IL34: variants seen among roughly 807,000 people sequenced by gnomAD.
IL34 encodes interleukin-34.
A neutral mutation model predicts 25.3 loss-of-function variants in IL34; 17 were observed. The observed-to-expected ratio is 0.67, with a 90% CI of 0.46 to 1.01. The LOEUF (loss-of-function observed/expected upper bound fraction) is 1.01, where lower values mean the gene tolerates loss of function less well. IL34 is among the 50% of genes least tolerant of loss of function. The pLI, the probability that IL34 is intolerant of heterozygous loss-of-function variation, is 0.00. For synonymous variants in IL34, 174 were observed against 140.9 expected, an observed-to-expected ratio of 1.23 and a Z score of -1.66; for missense variants, 368 against 312.9, an observed-to-expected ratio of 1.18 and a Z score of -1.33.
At chr16:70,659,084 C>T (rs2052309946) in intron 4 of IL34, among the ~76,000 whole-genome samples, 1 of 152,118 alleles carries the variant, frequency 6.6e-6, no homozygotes, top group Admixed American at 6.5e-5. Flanking sequence ...GCCCTGACCT[C>T]CTGTTCAGGG....
chr16:70,591,063 C>T (rs543872378), intron 1 of IL34, among the ~76,000 whole-genome samples: 4 of 152,330 alleles, frequency 2.6e-5, no homozygotes, highest in African/African-American at 7.2e-5. Flanking sequence ...CCATGCCAAG[C>T]GAGACTGGGA....
chr16:70,639,836 T>C (rs1321974729), intron 1 of IL34, among the ~76,000 whole-genome samples: 3 of 151,996 alleles, frequency 2.0e-5, no homozygotes, highest in Non-Finnish European at 2.9e-5. Flanking sequence ...TGCATGCCTG[T>C]AGTCCGAGCT....
Position 70,605,992 on chromosome 16 carries a change from T to A in IL34, c.-401+25943T>A, listed in dbSNP as rs532752381. ...TGGTTTTTTTTTTTTTTTTTTTTTT[T>A]AACAATGCTGAATAAAAGGAGTGAT... On this transcript the variant is annotated intron_variant, in intron 1 of 6. Transcript: ENST00000429149. 3.0e-4 allele frequency among the ~76,000 whole-genome samples: 40 copies of A among 133,994 alleles called. No individual in the cohort carries two copies. In the South Asian group the frequency reaches 7.7e-3, roughly 26 times the overall value. 87.9% of individuals were successfully genotyped at this position (133,994 alleles called of 152,430 possible). A position where few individuals can be genotyped will look rare whatever the true frequency, so the allele number is the denominator to read the frequency against.
chr16:70,607,930 G>T (rs2051032179), intron 1 of IL34, among the ~76,000 whole-genome samples: 1 of 151,602 alleles, frequency 6.6e-6, no homozygotes, highest in Admixed American at 6.6e-5. Flanking sequence ...ACCATGCCTG[G>T]CTAATTTTTG....
chr16:70,645,316 C>T (rs745712992), upstream of IL34, among the ~76,000 whole-genome samples: 1 of 152,246 alleles, frequency 6.6e-6, no homozygotes, highest in Non-Finnish European at 1.5e-5. Flanking sequence ...CTGGGCACCT[C>T]TTAGGGTAAG....
At chr16:70,635,411 G>A (rs1470513404) in intron 1 of IL34, among the ~76,000 whole-genome samples, 2 of 152,156 alleles carry the variant, frequency 1.3e-5, no homozygotes, top group African/African-American at 4.8e-5. Context: ...CTGCTCTCAG[G>A]AAGCACAAAG....
chr16:70,606,866 G>A (rs776440770), intron 1 of IL34, among the ~76,000 whole-genome samples: 1 of 152,148 alleles, frequency 6.6e-6, no homozygotes, highest in Non-Finnish European at 1.5e-5. Flanking sequence ...GGGGTTACAG[G>A]TGTAAGCCAT....
intron 4 of IL34, among the ~76,000 whole-genome samples, chr16:70,658,129 C>T (rs1354813858): frequency 6.6e-6 from 1 of 152,160 alleles, no homozygotes; most frequent in African/African-American, 2.4e-5. Flanking sequence ...CCTGCCCAGC[C>T]AGCTGCTGAC....
intron 1 of IL34, among the ~76,000 whole-genome samples, chr16:70,621,228 G>C (rs187392355): frequency 2.0e-5 from 3 of 152,272 alleles, no homozygotes; most frequent in Non-Finnish European, 2.9e-5. Flanking sequence ...CCCTTGAAGC[G>C]TGCCTGTATA....
In IL34 at chr16:70,659,754, G is replaced by C. The variant is rs768734390; in HGVS notation, c.538+1G>C. 3.1e-6 allele frequency: 5 copies of C among 1,596,654 alleles called. No individual in the cohort carries two copies. The highest frequency in any genetic ancestry group is 4.3e-6 in the Non-Finnish European group (5 of 1,169,544). On this transcript the variant is annotated splice_donor_variant, in intron 5 of 5. Coordinates refer to ENST00000288098, the MANE Select transcript of IL34 (RefSeq NM_001393494.1). LOFTEE classifies it high-confidence loss of function. ...ATGGAGCTGCTGTACTGCTCCTGCT[G>C]TAAGGAGCTCTCAGGGGATGGCGCC... is the stretch of plus-strand genomic sequence containing the variant.
chr16:70,610,295 C>G (rs2051071987), intron 1 of IL34, among the ~76,000 whole-genome samples: 1 of 151,978 alleles, frequency 6.6e-6, no homozygotes, highest in African/African-American at 2.4e-5. Flanking sequence ...CAAGAAAACT[C>G]TTGGTGGATT....
chr16:70,592,554 CA>C lies in IL34; in HGVS notation c.-401+12506del, dbSNP rs201992345. 6.2e-3 allele frequency among the ~76,000 whole-genome samples: 939 copies of C among 152,246 alleles called. 9 individuals carry two copies. Among genetic ancestry groups the C allele is most frequent in the African/African-American group, 0.021 (881 of 41,544 alleles). On this transcript the variant is annotated intron_variant, in intron 1 of 6. Coordinates refer to the IL34 transcript ENST00000429149. ...GGCTGTCTGCCTGCAAAGCCTATACCAGTTGCTGAATAATTATTTTAAAAAT... is the reference window on the plus strand; with the variant it reads ...GGCTGTCTGCCTGCAAAGCCTATACCGTTGCTGAATAATTATTTTAAAAAT...
intron 1 of IL34, among the ~76,000 whole-genome samples, chr16:70,629,992 C>T (rs776477875): frequency 6.5e-4 from 99 of 152,344 alleles, no homozygotes; most frequent in Non-Finnish European, 6.9e-4. Context: ...ATCATTTCCA[C>T]TTCCTCCCAC....
intron 1 of IL34, among the ~76,000 whole-genome samples, chr16:70,599,134 A>G (rs1482570704): frequency 1.3e-5 from 2 of 152,352 alleles, no homozygotes; most frequent in East Asian, 3.9e-4. Context: ...TTTGTCTTCA[A>G]GCATCTTTCT....
At chr16:70,645,884 C>G (rs923261400), upstream of IL34, among the ~76,000 whole-genome samples, 1 of 152,092 alleles carries the variant, frequency 6.6e-6, no homozygotes, top group Non-Finnish European at 1.5e-5. Context: ...GAAACCCCAT[C>G]TCTACTAAAA....
intron 1 of IL34, among the ~76,000 whole-genome samples, chr16:70,587,514 G>A (rs1035827444): frequency 2.0e-5 from 3 of 151,744 alleles, no homozygotes; most frequent in Non-Finnish European, 2.9e-5. Flanking sequence ...CTCATGATCC[G>A]CCCGCCTCGG....
intron 4 of IL34, among the ~76,000 whole-genome samples, chr16:70,658,633 C>T (rs967303477): frequency 4.0e-5 from 6 of 151,356 alleles, no homozygotes; most frequent in African/African-American, 1.5e-4. Context: ...AGATGCCTGC[C>T]ACCACACCTG....
intron 1 of IL34, among the ~76,000 whole-genome samples, chr16:70,607,926 C>T (rs1023405630): frequency 6.6e-6 from 1 of 151,720 alleles, no homozygotes; most frequent in African/African-American, 2.4e-5. Flanking sequence ...GGTCACCATG[C>T]CTGGCTAATT....
At chr16:70,602,607 G>A (rs972411826) in intron 1 of IL34, among the ~76,000 whole-genome samples, 1 of 151,784 alleles carries the variant, frequency 6.6e-6, no homozygotes, top group Non-Finnish European at 1.5e-5. Context: ...GTGTGTGTGT[G>A]TGTGTGTGTG....
Sources: gnomAD v4.1 joint callset for allele counts (sites outside exome capture counted in the v4.1 genomes callset) on GRCh38, gnomAD v4.1.1 for gene constraint, MANE v1.5 for transcripts, NCBI Gene and HGNC (gene_info 2026-07-23, HGNC 2026-07-21) for gene names.